GPR176: variants seen among roughly 807,000 people sequenced by gnomAD.
The protein encoded by GPR176 is G protein-coupled receptor 176.
In GPR176, 26 loss-of-function variants were observed where a neutral mutation model predicts 35.4. The ratio of observed to expected loss-of-function variants is 0.74; its 90% CI spans 0.54 to 1.02. The LOEUF is 1.02. GPR176 is among the 50% of genes least tolerant of loss of function. The pLI is 0.00. For synonymous variants in GPR176, 278 were observed against 271.3 expected (o/e 1.02, Z -0.24); for missense variants, 597 against 665.3 (o/e 0.90, Z 1.13).
intron 1 of GPR176, among the ~76,000 whole-genome samples, chr15:39,913,820 G>A (rs2033646115): frequency 1.3e-5 from 2 of 152,198 alleles, no homozygotes; most frequent in Non-Finnish European, 2.9e-5. Context: ...GCCAAGGCAG[G>A]CAGATCACAA....
chr15:39,915,467 G>A (rs1454271482), intron 1 of GPR176, among the ~76,000 whole-genome samples: 1 of 152,176 alleles, frequency 6.6e-6, no homozygotes, highest in Non-Finnish European at 1.5e-5. Flanking sequence ...ATATGAATTT[G>A]AGGGGGAATA....
intron 1 of GPR176, among the ~76,000 whole-genome samples, chr15:39,837,931 T>C (rs1382249309): frequency 6.8e-6 from 1 of 146,746 alleles, no homozygotes; most frequent in Non-Finnish European, 1.5e-5. Context: ...GGGAGGAGGA[T>C]AGTTTGAGGC....
chr15:39,887,517 G>A (rs2032715857), intron 1 of GPR176, among the ~76,000 whole-genome samples: 1 of 149,828 alleles, frequency 6.7e-6, no homozygotes, highest in Non-Finnish European at 1.5e-5. Context: ...TCCAACAGGT[G>A]AAAAACAGCA....
At chr15:39,894,866 A>G (rs2033049797) in intron 1 of GPR176, among the ~76,000 whole-genome samples, 1 of 152,176 alleles carries the variant, frequency 6.6e-6, no homozygotes, top group Non-Finnish European at 1.5e-5. Flanking sequence ...GCACTTTGGG[A>G]GGCCAAGGCA....
intron 1 of GPR176, among the ~76,000 whole-genome samples, chr15:39,826,759 C>A (rs182935149): frequency 0.013 from 2,009 of 152,310 alleles, 40 homozygotes; most frequent in African/African-American, 0.046. Flanking sequence ...CTGGAGTAAA[C>A]AGAAGCCAGA....
chr15:39,818,366 A>G (rs2140805577), intron 1 of GPR176, among the ~76,000 whole-genome samples: 1 of 152,350 alleles, frequency 6.6e-6, no homozygotes, highest in East Asian at 1.9e-4. Context: ...GCTATGTAGT[A>G]AGTTCATTAA....
chr15:39,861,740 A>T (rs2031601435), intron 1 of GPR176, among the ~76,000 whole-genome samples: 1 of 152,204 alleles, frequency 6.6e-6, no homozygotes, highest in Non-Finnish European at 1.5e-5. Context: ...TCAGAGAGAC[A>T]TCAGCTGGCT....
intron 1 of GPR176, among the ~76,000 whole-genome samples, chr15:39,919,396 C>G (rs1309605682): frequency 6.6e-6 from 1 of 152,030 alleles, no homozygotes; most frequent in African/African-American, 2.4e-5. Flanking sequence ...AAATAAGGGT[C>G]TATCAAAATA....
intron 1 of GPR176, among the ~76,000 whole-genome samples, chr15:39,823,463 A>G (rs1900412987): frequency 6.6e-6 from 1 of 152,122 alleles, no homozygotes; most frequent in African/African-American, 2.4e-5. Context: ...ATCCAATGCA[A>G]TATTTAGTCC....
chr15:39,829,283 G>A, intron 1 of GPR176: 14 of 1,417,986 alleles, frequency 9.9e-6, no homozygotes, highest in African/African-American at 1.4e-5. Context: ...AATGGATCAG[G>A]GAAAGAACTT....
chr15:39,801,639 C>T lies in GPR176; in HGVS notation c.1041G>A (p.Val347=), dbSNP rs762163969. The T allele has an allele frequency of 1.2e-6, 2 of 1,613,944 alleles. No individual in the cohort carries two copies. Among genetic ancestry groups the T allele is most frequent in the South Asian group, 1.1e-5 (1 of 91,080 alleles). Residue 347 remains valine, a synonymous_variant, in exon 3 of 3, where the codon GTG becomes GTA. Transcript: ENST00000561100. ...CAGCCATGCCACTCCCTGTACTGAC[C>T]ACATTACGGCGACTGTACCGGTGGT... ...QLHHRYSRRN[V]VSTGSGMAEA...
chr15:39,897,806 G>C (rs1457188260), intron 1 of GPR176, among the ~76,000 whole-genome samples: 1 of 151,958 alleles, frequency 6.6e-6, no homozygotes, highest in African/African-American at 2.4e-5. Flanking sequence ...TTTATCTCAG[G>C]TCCTGAGCCT....
chr15:39,904,729 G>T lies in GPR176; in HGVS notation c.172+15126C>A, dbSNP rs145657458. 1.4e-3 allele frequency among the ~76,000 whole-genome samples: 217 copies of T among 152,290 alleles called. 1 individual carries two copies. The Middle Eastern group carries it at 0.027, about 19-fold the overall frequency. On this transcript the variant is annotated intron_variant, in intron 1 of 2. Transcript: ENST00000561100. The stretch of plus-strand genomic sequence containing the variant: ...CTACAGTGGGCAGCCTGCACTCCCC[G>T]AACTTATGGGGGCAAAGAATGCATG...
chr15:39,851,763 A>G (rs946913540), intron 1 of GPR176, among the ~76,000 whole-genome samples: 1 of 152,196 alleles, frequency 6.6e-6, no homozygotes, highest in Non-Finnish European at 1.5e-5. Context: ...TTCGAGTAGC[A>G]CTTTTTTTCC....
At chr15:39,901,682 T>C (rs149351757) in intron 1 of GPR176, among the ~76,000 whole-genome samples, 12 of 152,272 alleles carry the variant, frequency 7.9e-5, no homozygotes, top group African/African-American at 2.9e-4. Context: ...TGCTCACCTG[T>C]CATCTCCACG....
At chr15:39,868,603 C>A (rs2031919947) in intron 1 of GPR176, among the ~76,000 whole-genome samples, 1 of 152,174 alleles carries the variant, frequency 6.6e-6, no homozygotes, top group African/African-American at 2.4e-5. Flanking sequence ...ATTTTTAGAA[C>A]TACTTTGCCA....
intron 1 of GPR176, among the ~76,000 whole-genome samples, chr15:39,871,530 G>A (rs1394417454): frequency 6.6e-6 from 1 of 152,162 alleles, no homozygotes; most frequent in Non-Finnish European, 1.5e-5. Flanking sequence ...CCTCAGGGCA[G>A]GATTCACTGC....
At chr15:39,825,719 T>C (rs1466886067) in intron 1 of GPR176, among the ~76,000 whole-genome samples, 1 of 152,128 alleles carries the variant, frequency 6.6e-6, no homozygotes, top group Non-Finnish European at 1.5e-5. Flanking sequence ...CCGCCAGCAA[T>C]ATTTGTAGAG....
chr15:39,889,188 C>T (rs2032775900), intron 1 of GPR176, among the ~76,000 whole-genome samples: 1 of 152,190 alleles, frequency 6.6e-6, no homozygotes, highest in Non-Finnish European at 1.5e-5. Flanking sequence ...CTACCTCCTC[C>T]TCCATAATCC....
Sources: allele counts gnomAD v4.1 joint callset (sites outside exome capture counted in the v4.1 genomes callset), GRCh38; gene constraint gnomAD v4.1.1; transcripts MANE v1.5; gene names NCBI Gene and HGNC (gene_info 2026-07-23, HGNC 2026-07-21).